Variants in PTPRT observed in about 807,000 individuals in gnomAD.
PTPRT encodes the protein receptor-type tyrosine-protein phosphatase T.
In PTPRT, 56 loss-of-function variants were observed where a neutral mutation model predicts 176.8. The observed-to-expected ratio is 0.32, with a 90% CI of 0.26 to 0.40. The LOEUF is 0.40. Among genes scored for constraint, PTPRT ranks in the 10% least tolerant of loss-of-function variants. The pLI, the probability that PTPRT is intolerant of heterozygous loss-of-function variation, is 1.00. For missense variants in PTPRT, 1,540 were observed against 1,908.2 expected (o/e 0.81, Z 3.60); for synonymous variants, 783 against 739.0 (o/e 1.06, Z -0.96).
At chr20:42,816,674 T>C (rs1569172564) in intron 2 of PTPRT, among the ~76,000 whole-genome samples, 5 of 152,142 alleles carry the variant, frequency 3.3e-5, no homozygotes, top group Admixed American at 3.3e-4. Context: ...GCTGCCCTGG[T>C]AAGAAGGTGC....
intron 1 of PTPRT, among the ~76,000 whole-genome samples, chr20:43,186,725 A>G (rs2015403839): frequency 6.6e-6 from 1 of 152,256 alleles, no homozygotes; most frequent in Non-Finnish European, 1.5e-5. Context: ...ACGTTTGCAC[A>G]TTAATTGTTC....
intron 7 of PTPRT, among the ~76,000 whole-genome samples, chr20:42,646,310 G>A (rs950148049): frequency 6.6e-6 from 1 of 152,160 alleles, no homozygotes; most frequent in South Asian, 2.1e-4. Flanking sequence ...TATGGACCAT[G>A]GACCAAATCC....
intron 7 of PTPRT, among the ~76,000 whole-genome samples, chr20:42,658,064 C>A (rs777259934): frequency 6.6e-6 from 1 of 151,986 alleles, no homozygotes; most frequent in Non-Finnish European, 1.5e-5. Flanking sequence ...GTACATATAT[C>A]TAACTGATTC....
chr20:43,170,759 A>C lies in PTPRT; in HGVS notation c.88+18887T>G, dbSNP rs1343399715. Among the ~76,000 whole-genome samples, 3 of 152,200 alleles carry C rather than the reference A, an allele frequency of 2.0e-5. 1 individual carries two copies. Among genetic ancestry groups the C allele is most frequent in the Admixed American group, 2.0e-4 (3 of 15,276 alleles). The stretch of plus-strand genomic sequence containing the variant: ...ATTTGCCCAAGGATGCAGACTCAGT[A>C]AGTGGCAAGAGCTGGGATTTTAATT... On this transcript the variant is annotated intron_variant, in intron 1 of 30. Coordinates refer to ENST00000373187, the MANE Select transcript of PTPRT (RefSeq NM_007050.6).
intron 9 of PTPRT, among the ~76,000 whole-genome samples, chr20:42,424,323 A>T (rs1297308535): frequency 2.0e-5 from 3 of 152,140 alleles, no homozygotes; most frequent in African/African-American, 7.2e-5. Context: ...TAAAGCCCAG[A>T]TTGCAGCTTT....
intron 15 of PTPRT, among the ~76,000 whole-genome samples, chr20:42,233,645 TG>T (rs1489651857): frequency 3.3e-5 from 5 of 152,128 alleles, no homozygotes; most frequent in Admixed American, 3.3e-4. Context: ...GTAGTTGGGA[TG>T]GGAAGATGGT....
intron 1 of PTPRT, among the ~76,000 whole-genome samples, chr20:43,032,184 T>C (rs1986164905): frequency 6.6e-6 from 1 of 152,168 alleles, no homozygotes; most frequent in African/African-American, 2.4e-5. Context: ...TGATCCAGAA[T>C]TTTGTTCTTT....
intron 25 of PTPRT, 133 bp from the exon 26 acceptor site, chr20:42,102,430 G>C: frequency 1.0e-6 from 1 of 974,736 alleles, no homozygotes; most frequent in South Asian, 1.7e-5. Context: ...TCCCTTTCCC[G>C]GGACCCATTT....
chr20:42,887,939 C>A (rs568747386), intron 1 of PTPRT, among the ~76,000 whole-genome samples: 1 of 152,230 alleles, frequency 6.6e-6, no homozygotes, highest in East Asian at 1.9e-4. Flanking sequence ...TAAAAGATGC[C>A]CTAGGCAAAT....
At chr20:42,302,910 T>C (rs2057490757) in intron 12 of PTPRT, among the ~76,000 whole-genome samples, 1 of 152,224 alleles carries the variant, frequency 6.6e-6, no homozygotes, top group South Asian at 2.1e-4. Flanking sequence ...GACTTCAGTT[T>C]CCTTTTATCT....
chr20:42,244,397 G>T (rs1368287183), intron 14 of PTPRT, among the ~76,000 whole-genome samples: 1 of 152,198 alleles, frequency 6.6e-6, no homozygotes, highest in African/African-American at 2.4e-5. Context: ...GGAAAGTTTG[G>T]CAAAAGGTTA....
At chr20:42,929,352 G>A (rs1979685360) in intron 1 of PTPRT, among the ~76,000 whole-genome samples, 1 of 152,246 alleles carries the variant, frequency 6.6e-6, no homozygotes, top group South Asian at 2.1e-4. Flanking sequence ...ACAATAAAAT[G>A]TTAAGTAATA....
intron 6 of PTPRT, among the ~76,000 whole-genome samples, chr20:42,691,429 G>T (rs1035835884): frequency 2.0e-5 from 3 of 152,166 alleles, no homozygotes; most frequent in African/African-American, 7.2e-5. Context: ...CTATGTGCAA[G>T]GGGGGAGATG....
At chr20:42,717,965 C>T (rs530848713) in intron 6 of PTPRT, among the ~76,000 whole-genome samples, 1 of 152,242 alleles carries the variant, frequency 6.6e-6, no homozygotes, top group South Asian at 2.1e-4. Context: ...TGAGCTATCA[C>T]CACATACCTA....
chr20:42,191,585 G>T (rs2146641184), intron 16 of PTPRT, among the ~76,000 whole-genome samples: 1 of 152,296 alleles, frequency 6.6e-6, no homozygotes, highest in Middle Eastern at 3.4e-3. Flanking sequence ...GATGGCTGAT[G>T]CAGTGACTGT....
At chr20:42,345,582 A>G (rs6130113) in intron 11 of PTPRT, among the ~76,000 whole-genome samples, 2,594 of 94,586 alleles carry the variant, frequency 0.027, 171 homozygotes, top group East Asian at 0.19. Context: ...ATACATATAT[A>G]TGTGTGTGTG....
At chr20:42,353,242 A>G (rs918530452) in intron 9 of PTPRT, among the ~76,000 whole-genome samples, 1 of 152,174 alleles carries the variant, frequency 6.6e-6, no homozygotes, top group African/African-American at 2.4e-5. Flanking sequence ...CTTGTTAAAA[A>G]TGCAGATCCC....
chr20:42,115,102 GGA>G, intron 22 of PTPRT, 95 bp downstream of exon 22: 1 of 865,086 alleles, frequency 1.2e-6, no homozygotes, highest in South Asian at 1.4e-5. Flanking sequence ...GTATGGGGCT[GGA>G]CGTAGAGCAG....
At chr20:42,683,267 G>GT (rs1319767298) in intron 6 of PTPRT, among the ~76,000 whole-genome samples, 9 of 68,534 alleles carry the variant, frequency 1.3e-4, no homozygotes, top group East Asian at 1.1e-3. Context: ...CCTTTTACTT[G>GT]TTTTTTTTGT....
Sources: allele counts gnomAD v4.1 joint callset (sites outside exome capture counted in the v4.1 genomes callset), GRCh38; gene constraint gnomAD v4.1.1; transcripts MANE v1.5; gene names NCBI Gene and HGNC (gene_info 2026-07-23, HGNC 2026-07-21).